Variants in GAS7 observed in about 807,000 individuals in gnomAD.
GAS7 encodes the protein growth arrest specific 7.
In GAS7, 28 loss-of-function variants were observed where a neutral mutation model predicts 71.1. That is an observed-to-expected ratio of 0.39 (90% CI 0.29 to 0.54). The LOEUF is 0.54. Among genes scored for constraint, GAS7 ranks in the 20% least tolerant of loss-of-function variants. The probability of loss-of-function intolerance (pLI) is 0.62; values close to 1 mark genes in which losing one functional copy is unlikely to be tolerated. For synonymous variants in GAS7, 258 were observed against 245.8 expected (o/e 1.05, Z -0.46); for missense variants, 436 against 627.8 (o/e 0.69, Z 3.27).
At chr17:10,182,449 C>T (rs1393113349) in intron 1 of GAS7, among the ~76,000 whole-genome samples, 3 of 152,304 alleles carry the variant, frequency 2.0e-5, no homozygotes, top group African/African-American at 4.8e-5. Flanking sequence ...CATGAGGCAC[C>T]GCACCCGGCC....
intron 2 of GAS7, among the ~76,000 whole-genome samples, chr17:9,985,122 T>G (rs1311659754): frequency 6.6e-6 from 1 of 152,162 alleles, no homozygotes; most frequent in Non-Finnish European, 1.5e-5. Flanking sequence ...TCCCAGGGCC[T>G]GGAGATGCCC....
intron 1 of GAS7, among the ~76,000 whole-genome samples, chr17:10,165,291 CAAAAAAAAA>C (rs71365731): frequency 1.3e-5 from 1 of 77,650 alleles, no homozygotes; most frequent in African/African-American, 4.4e-5. Flanking sequence ...GATTCCTTCT[CAAAAAAAAA>C]AAAAAAAAAA....
At chr17:9,984,416 G>A (rs1441806460) in intron 2 of GAS7, among the ~76,000 whole-genome samples, 1 of 152,124 alleles carries the variant, frequency 6.6e-6, no homozygotes, top group Non-Finnish European at 1.5e-5. Flanking sequence ...TGTCTTAAGG[G>A]AGAGAAAACA....
At chr17:9,962,217 T>C (rs2069523413) in intron 4 of GAS7, among the ~76,000 whole-genome samples, 1 of 149,552 alleles carries the variant, frequency 6.7e-6, no homozygotes. Flanking sequence ...TCCAACTTCA[T>C]ATACATATCA....
intron 1 of GAS7, among the ~76,000 whole-genome samples, chr17:10,126,602 T>TCA (rs1029013385): frequency 1.3e-5 from 2 of 150,978 alleles, no homozygotes; most frequent in Non-Finnish European, 3.0e-5. Flanking sequence ...ACACACACGC[T>TCA]CACACACATG....
At chr17:10,177,446 G>C (rs756959236) in intron 1 of GAS7, among the ~76,000 whole-genome samples, 4 of 152,100 alleles carry the variant, frequency 2.6e-5, no homozygotes, top group Admixed American at 6.6e-5. Context: ...TGGAGATCAG[G>C]TGTGGAGAGG....
At chr17:9,971,421 T>C (rs906578216) in intron 3 of GAS7, among the ~76,000 whole-genome samples, 2 of 151,744 alleles carry the variant, frequency 1.3e-5, no homozygotes, top group African/African-American at 4.8e-5. Flanking sequence ...TTAAATTAGC[T>C]GGGTGTGGTG....
intron 2 of GAS7, among the ~76,000 whole-genome samples, chr17:10,009,691 C>CAAAAAAAAAAAAAAAAAA (rs2071690145): frequency 7.3e-6 from 1 of 136,646 alleles, no homozygotes; most frequent in African/African-American, 3.2e-5. Context: ...AAAAAAAAAC[C>CAAAAAAAAAAAAAAAAAA]AAACAAAAAA....
At chr17:10,018,308 G>A (rs1012493203) in intron 2 of GAS7, among the ~76,000 whole-genome samples, 6 of 152,102 alleles carry the variant, frequency 3.9e-5, no homozygotes, top group African/African-American at 1.4e-4. Flanking sequence ...TTCCCCCCAT[G>A]CCCCTTTGCA....
chr17:10,126,588 TCA>T (rs901906949), intron 1 of GAS7, among the ~76,000 whole-genome samples: 34 of 142,134 alleles, frequency 2.4e-4, no homozygotes, highest in South Asian at 6.8e-4. Flanking sequence ...ACACACACAT[TCA>T]CACACACACG....
At chr17:9,948,315 G>A (rs1377359095) in intron 5 of GAS7, among the ~76,000 whole-genome samples, 1 of 152,248 alleles carries the variant, frequency 6.6e-6, no homozygotes, top group Non-Finnish European at 1.5e-5. Context: ...CTGTGTGGGT[G>A]AGGGTCAGGG....
chr17:10,134,009 G>T (rs1026311329), intron 1 of GAS7, among the ~76,000 whole-genome samples: 6 of 151,174 alleles, frequency 4.0e-5, no homozygotes, highest in Non-Finnish European at 8.8e-5. Flanking sequence ...GATTTGGGAT[G>T]CCTGACCTGT....
chr17:10,161,778 T>C (rs2074257716), intron 1 of GAS7, among the ~76,000 whole-genome samples: 1 of 152,114 alleles, frequency 6.6e-6, no homozygotes, highest in South Asian at 2.1e-4. Flanking sequence ...AAAAACGCCT[T>C]CCCAGGCCGG....
intron 2 of GAS7, among the ~76,000 whole-genome samples, chr17:10,018,712 C>T (rs986485563): frequency 4.6e-5 from 7 of 152,170 alleles, no homozygotes; most frequent in Non-Finnish European, 8.8e-5. Flanking sequence ...CAGTAGCTGG[C>T]TCCCCTGTCA....
intron 1 of GAS7, among the ~76,000 whole-genome samples, chr17:10,056,938 C>T (rs984489884): frequency 8.6e-5 from 13 of 152,024 alleles, no homozygotes; most frequent in African/African-American, 3.1e-4. Flanking sequence ...TGCAGGCGCG[C>T]GCCACCACGC....
intron 1 of GAS7, among the ~76,000 whole-genome samples, chr17:10,136,120 G>A (rs1293004655): frequency 6.6e-6 from 1 of 152,166 alleles, no homozygotes; most frequent in African/African-American, 2.4e-5. Flanking sequence ...TAATCACAAT[G>A]TCCCCATGGC....
intron 2 of GAS7, among the ~76,000 whole-genome samples, chr17:9,987,272 C>T (rs923229260): frequency 2.6e-5 from 4 of 152,146 alleles, no homozygotes; most frequent in African/African-American, 4.8e-5. Flanking sequence ...AGATGTGCCC[C>T]GGGGAGCCTC....
intron 2 of GAS7, among the ~76,000 whole-genome samples, chr17:10,017,965 G>A (rs1439500674): frequency 6.6e-6 from 1 of 152,176 alleles, no homozygotes; most frequent in African/African-American, 2.4e-5. Flanking sequence ...ACTGTCTATT[G>A]ATATAAAATA....
At chr17:10,029,842 A>G (rs571624491) in intron 1 of GAS7, among the ~76,000 whole-genome samples, 5 of 151,522 alleles carry the variant, frequency 3.3e-5, no homozygotes, top group African/African-American at 1.2e-4. Flanking sequence ...ACAGAGCGAG[A>G]CTCCGTCTCA....
Sources: allele counts gnomAD v4.1 joint callset (sites outside exome capture counted in the v4.1 genomes callset), GRCh38; gene constraint gnomAD v4.1.1; transcripts MANE v1.5; gene names NCBI Gene and HGNC (gene_info 2026-07-23, HGNC 2026-07-21).